APOC4: variants seen among roughly 807,000 people sequenced by gnomAD.
The protein encoded by APOC4 is apolipoprotein C4, also known as apolipoprotein C-IV.
APOC4 carries 10 observed loss-of-function variants against 8.4 expected under a neutral mutation model. That is an observed-to-expected ratio of 1.19 (90% confidence interval 0.74 to 2.03). APOC4 has a LOEUF of 2.03. Among genes scored for constraint, APOC4 ranks in the 30% most tolerant of loss-of-function variants. The pLI is 0.00. For missense variants in APOC4, 160 were observed against 156.1 expected, an observed-to-expected ratio of 1.02 and a Z score of -0.13; for synonymous variants, 59 against 65.8, an observed-to-expected ratio of 0.90 and a Z score of 0.50.
rs570942229 is a variant in APOC4, at chr19:44,942,779, TCTCA to T, written c.76+430_76+433del. Among the ~76,000 whole-genome samples, 385 of 146,996 alleles carry T rather than the reference TCTCA, an allele frequency of 2.6e-3. 3 individuals carry two copies. Among genetic ancestry groups the T allele is most frequent in the African/African-American group, 9.2e-3 (363 of 39,454 alleles). On this transcript the variant is annotated intron_variant, in intron 1 of 2. Coordinates refer to ENST00000592954, the MANE Select transcript of APOC4 (RefSeq NM_001646.3). ...TTTTTTTTTTTTTTTTGAGACGGAG[TCTCA>T]CTCTGTCACCCAGGCTGGAGTGCAG...
chr19:44,942,565 T>C (rs1031826619), intron 1 of APOC4, among the ~76,000 whole-genome samples: 1 of 151,962 alleles, frequency 6.6e-6, no homozygotes, highest in African/African-American at 2.4e-5. Flanking sequence ...ATCATCTGTG[T>C]GTGTGCACGT....
In APOC4 at chr19:44,944,843, G is replaced by A. The variant is rs1344147847; in HGVS notation, c.171G>A (p.Leu57=). 1.2e-6 allele frequency: 2 copies of A among 1,608,634 alleles called. No homozygotes were observed. Among genetic ancestry groups the A allele is most frequent in the South Asian group, 1.1e-5 (1 of 89,972 alleles). ...TGGTGAGGGGCAGGATGAAGGAGCT[G>A]CTGGAGACAGTGGTGAACAGGACCA... ...WSLVRGRMKE[L]LETVVNRTRD... Residue 57 remains leucine, a synonymous_variant, in exon 2 of 3, where the codon CTG becomes CTA. Coordinates refer to ENST00000592954, the MANE Select transcript of APOC4 (RefSeq NM_001646.3).
At chr19:44,943,003 C>G (rs10409424) in intron 1 of APOC4, among the ~76,000 whole-genome samples, 151,690 of 151,732 alleles carry the variant, frequency 1, 75,824 homozygotes, top group Middle Eastern at 1. Flanking sequence ...CTCACTGCAA[C>G]GTCCGCCTCC....
rs2122196930 is a variant in APOC4 at position 44,942,301 on chromosome 19, C to G, written c.24C>G (p.Leu8=). The change falls in exon 1 of 3, where the codon CTC becomes CTG. Residue 8 remains leucine (L), a synonymous_variant. Coordinates refer to ENST00000592954, the MANE Select transcript of APOC4 (RefSeq NM_001646.3). MSLLRNR[L]QALPALCLCV... Reference sequence around the variant, plus strand: ...AAATGTCCCTCCTCAGAAACAGGCTCCAGGCCCTGCCTGCCCTGTGCCTCT... The same window carrying G: ...AAATGTCCCTCCTCAGAAACAGGCTGCAGGCCCTGCCTGCCCTGTGCCTCT... The G allele has an allele frequency of 1.9e-6, 3 of 1,613,158 alleles. No individual in the cohort carries two copies. The South Asian group carries it at 3.3e-5, about 18-fold the overall frequency.
intron 1 of APOC4, among the ~76,000 whole-genome samples, chr19:44,943,587 C>T (rs1195068496): frequency 6.6e-6 from 1 of 151,832 alleles, no homozygotes; most frequent in African/African-American, 2.4e-5. Context: ...ATTAGCCATG[C>T]ATGGTGGCAT....
At chr19:44,944,252 A>G (rs5159) in intron 1 of APOC4, among the ~76,000 whole-genome samples, 3,780 of 152,220 alleles carry the variant, frequency 0.025, 143 homozygotes, top group African/African-American at 0.087. Flanking sequence ...GAGATGGCCC[A>G]GCCGGACGGG....
chr19:44,944,214 A>G (rs1241352833), intron 1 of APOC4, among the ~76,000 whole-genome samples: 2 of 152,254 alleles, frequency 1.3e-5, no homozygotes, highest in East Asian at 3.9e-4. Flanking sequence ...AGACAGGGTG[A>G]CAGGAGGGAC....
At chr19:44,942,994 T>A (rs1035561949) in intron 1 of APOC4, among the ~76,000 whole-genome samples, 5 of 151,888 alleles carry the variant, frequency 3.3e-5, no homozygotes, top group African/African-American at 4.8e-5. Flanking sequence ...TGATCTTGGC[T>A]CACTGCAACG....
intron 1 of APOC4, 56 bp from the exon 2 acceptor site, chr19:44,944,693 G>C: frequency 6.4e-7 from 1 of 1,555,036 alleles, no homozygotes; most frequent in South Asian, 1.2e-5. Context: ...GGAGGGAAAG[G>C]GAGAAGGGGA....
intron 1 of APOC4, among the ~76,000 whole-genome samples, chr19:44,942,910 G>A (rs368960939): frequency 2.9e-4 from 44 of 151,488 alleles, no homozygotes; most frequent in African/African-American, 1.0e-3. Context: ...ACAGACACAC[G>A]CCACCATGCC....
At position 44,944,889 on chromosome 19, in the gene APOC4, T is replaced by C. The variant is rs755526225; in HGVS notation, c.217T>C (p.Trp73Arg). Reference sequence around the variant, plus strand: ...GACCAGAGACGGGTGGCAATGGTTCTGGTGAGGGTGTGCTGGGCTGGGTGG... The same window carrying C: ...GACCAGAGACGGGTGGCAATGGTTCCGGTGAGGGTGTGCTGGGCTGGGTGG... ...NRTRDGWQWF[W>R]SPSTFRGFMQ... Residue 73 changes from tryptophan to arginine, a missense_variant and splice_region_variant, in exon 2 of 3, where the codon TGG becomes CGG. Trp to Arg is a moderately radical substitution (Grantham distance 101, BLOSUM62 -3). Coordinates refer to ENST00000592954, the MANE Select transcript of APOC4 (RefSeq NM_001646.3). The C allele has an allele frequency of 6.9e-6, 11 of 1,602,848 alleles. No individual in the cohort carries two copies. The highest frequency in any genetic ancestry group is 1.7e-4 in the Middle Eastern group (1 of 6,014).
In APOC4 at chr19:44,942,995, C is replaced by T. The variant is rs544235456; in HGVS notation, c.76+642C>T. ...GGAGTGCAGTGGCGTGATCTTGGCT[C>T]ACTGCAACGTCCGCCTCCCGGGTTC... On this transcript the variant is annotated intron_variant, in intron 1 of 2. Transcript: ENST00000592954. Among the ~76,000 whole-genome samples, 208 of 151,976 alleles carry T rather than the reference C, an allele frequency of 1.4e-3. 1 individual carries two copies. The highest frequency in any genetic ancestry group is 4.5e-3 in the African/African-American group (187 of 41,468).
In APOC4 at chr19:44,944,874, G is replaced by T. The variant is rs758859455; in HGVS notation, c.202G>T (p.Gly68Trp). ...GACAGTGGTGAACAGGACCAGAGAC[G>T]GGTGGCAATGGTTCTGGTGAGGGTG... is the stretch of plus-strand genomic sequence containing the variant. ...LETVVNRTRD[G>W]WQWFWSPSTF... The change falls in exon 2 of 3, where the codon GGG becomes TGG. Residue 68 changes from glycine to tryptophan, a missense_variant. Coordinates refer to ENST00000592954, the MANE Select transcript of APOC4 (RefSeq NM_001646.3). 5.0e-6 allele frequency: 8 copies of T among 1,606,090 alleles called. No homozygotes were observed. Among genetic ancestry groups the T allele is most frequent in the South Asian group, 2.2e-5 (2 of 89,704 alleles).
In APOC4 at chr19:44,944,816, C is replaced by T. The variant is rs943523396; in HGVS notation, c.144C>T (p.Ser48=). The part of the protein sequence containing the change: ...PPPKLKMSRW[S]LVRGRMKELL... ...CAAAGCTAAAGATGAGTCGCTGGAG[C>T]CTGGTGAGGGGCAGGATGAAGGAGC... The change falls in exon 2 of 3, where the codon AGC becomes AGT. Residue 48 remains serine, a synonymous_variant. Coordinates refer to ENST00000592954, the MANE Select transcript of APOC4 (RefSeq NM_001646.3). 9.9e-6 allele frequency: 16 copies of T among 1,609,908 alleles called. No individual in the cohort carries two copies. The South Asian group carries it at 1.6e-4, about 16-fold the overall frequency.
At chr19:44,943,924 G>A (rs1035715216) in intron 1 of APOC4, among the ~76,000 whole-genome samples, 3 of 152,202 alleles carry the variant, frequency 2.0e-5, no homozygotes, top group South Asian at 2.1e-4. Context: ...TGGCCCCCGC[G>A]TGACGGCTGG....
At position 44,945,147 on chromosome 19, in the gene APOC4, A is replaced by G; in HGVS notation, c.226A>G (p.Ser76Gly). The change falls in exon 3 of 3, where the codon AGC (serine) becomes GGC (glycine). Residue 76 changes from serine (S) to glycine (G), a missense_variant. Coordinates refer to ENST00000592954, the MANE Select transcript of APOC4 (RefSeq NM_001646.3). The stretch of plus-strand genomic sequence containing the variant: ...ATGTCCTCTCTCCTGTAGGAGCCCG[A>G]GCACCTTCCGGGGCTTCATGCAGAC... ...RDGWQWFWSP[S>G]TFRGFMQTYY... 1 of 1,613,806 alleles carries G rather than the reference A, an allele frequency of 6.2e-7. No individual in the cohort carries two copies. The highest frequency in any genetic ancestry group is 8.5e-7 in the Non-Finnish European group (1 of 1,179,914).
chr19:44,942,824 G>A (rs191286374), intron 1 of APOC4, among the ~76,000 whole-genome samples: 44 of 150,302 alleles, frequency 2.9e-4, no homozygotes, highest in Non-Finnish European at 5.8e-4. Flanking sequence ...GCAGTGGTGC[G>A]ATCTTGGCTC....
chr19:44,945,068 G>A, intron 2 of APOC4, 72 bp from the exon 3 acceptor site: 1 of 1,562,358 alleles, frequency 6.4e-7, no homozygotes. Context: ...GTCACAGAGA[G>A]GAGCGGATAA....
Position 44,942,273 on chromosome 19 carries a change from C to T in APOC4, c.-5C>T. The T allele has an allele frequency of 6.2e-7, 1 of 1,609,608 alleles. No individual in the cohort carries two copies. The highest frequency in any genetic ancestry group is 1.3e-5 in the African/African-American group (1 of 74,982). On this transcript the variant is annotated 5_prime_UTR_variant, in exon 1 of 3. Transcript: ENST00000592954. ...CAGAGGGACAGAGGCACGGAACCCCCAGAAATGTCCCTCCTCAGAAACAGG... is the reference window on the plus strand; with the variant it reads ...CAGAGGGACAGAGGCACGGAACCCCTAGAAATGTCCCTCCTCAGAAACAGG...
Sources: gnomAD v4.1 joint callset for allele counts (sites outside exome capture counted in the v4.1 genomes callset) on GRCh38, gnomAD v4.1.1 for gene constraint, MANE v1.5 for transcripts, NCBI Gene and HGNC (gene_info 2026-07-23, HGNC 2026-07-21) for gene names.